The following TSPAN10 variants were observed in gnomAD, a reference collection of about 807,000 sequenced individuals.
TSPAN10 encodes the protein tetraspanin-10.
Under a neutral mutation model 15.0 loss-of-function variants are expected in TSPAN10, and 11 were observed. That is an observed-to-expected ratio of 0.73 (90% CI 0.46 to 1.21). TSPAN10 has a LOEUF of 1.21. TSPAN10 is among the 50% of genes most tolerant of loss of function. The pLI is 0.00. For missense variants in TSPAN10, 486 were observed against 470.6 expected (o/e 1.03, Z -0.30); for synonymous variants, 241 against 226.2 (o/e 1.07, Z -0.59).
chr17:81,639,701 C>T (rs2036160910), upstream of TSPAN10, among the ~76,000 whole-genome samples: 1 of 150,900 alleles, frequency 6.6e-6, no homozygotes, highest in Non-Finnish European at 1.5e-5. Flanking sequence ...CCTGTCATCC[C>T]AGCGCGGTGG....
rs61380610 is a variant in TSPAN10 at position 81,645,930 on chromosome 17, G to T, written c.674+301G>T. On this transcript the variant is annotated intron_variant, in intron 2 of 2. Transcript: ENST00000611590. ...CACTCAAACATGTTCATACACACAC[G>T]TGTCATGCACACAAGGTATAGGGGT... 4 of 541,238 alleles carry T rather than the reference G, an allele frequency of 7.4e-6. No homozygotes were observed. The African/African-American group carries it at 7.6e-5, about 10-fold the overall frequency. The allele number at this position is 541,238 out of a possible 1,614,324, so 33.5% of individuals were successfully genotyped here. A position where few individuals can be genotyped will look rare whatever the true frequency, so the allele number is the denominator to read the frequency against.
upstream of TSPAN10, among the ~76,000 whole-genome samples, chr17:81,640,295 T>A (rs2036166976): frequency 6.6e-6 from 1 of 152,070 alleles, no homozygotes; most frequent in African/African-American, 2.4e-5. Flanking sequence ...CCAGGTTTCT[T>A]CTTATACCTC....
chr17:81,642,404 G>A (rs1350793960), upstream of TSPAN10: 4 of 1,613,568 alleles, frequency 2.5e-6, no homozygotes, highest in South Asian at 3.3e-5. Flanking sequence ...TTCTGTTCCA[G>A]CGTCAAGGAT....
In TSPAN10 at chr17:81,647,718, G is replaced by C. The variant is rs368028315; in HGVS notation, c.675-183G>C. ...GCCGTGCACAGGGATACGTTATAGA[G>C]AGCCAGGTGCTGTGTGTGTCCGTGT... On this transcript the variant is annotated intron_variant, in intron 2 of 2. Coordinates refer to ENST00000611590, the Ensembl canonical transcript of TSPAN10. The C allele has an allele frequency of 8.3e-4, 557 of 670,286 alleles. 3 individuals are homozygous for C. The Middle Eastern group carries it at 9.8e-3, about 12-fold the overall frequency. 41.5% of individuals were successfully genotyped at this position (670,286 alleles called of 1,614,324 possible). A position where few individuals can be genotyped will look rare whatever the true frequency, so the allele number is the denominator to read the frequency against.
chr17:81,639,897 G>A (rs369000386), upstream of TSPAN10, among the ~76,000 whole-genome samples: 12 of 151,890 alleles, frequency 7.9e-5, no homozygotes, highest in East Asian at 3.9e-4. Flanking sequence ...GGAGAATGGC[G>A]TGAACCCGGG....
At chr17:81,645,718 T>A in intron 2 of TSPAN10, 89 bp downstream of exon 3, 1 of 1,505,312 alleles carries the variant, frequency 6.6e-7, no homozygotes, top group South Asian at 1.2e-5. Flanking sequence ...CACTCACACG[T>A]ACATACTCAT....
chr17:81,646,064 A>G, intron 2 of TSPAN10: 1 of 277,718 alleles, frequency 3.6e-6, no homozygotes, highest in Non-Finnish European at 6.8e-6. Flanking sequence ...ACTACCCAGG[A>G]GCTTAGTTGA....
At chr17:81,640,894 C>T (rs139667808), upstream of TSPAN10, among the ~76,000 whole-genome samples, 268 of 151,614 alleles carry the variant, frequency 1.8e-3, 2 homozygotes, top group African/African-American at 6.2e-3. Context: ...AGACTTTGGC[C>T]GGGCGTGGTG....
chr17:81,639,200 C>CTTTTTTT (rs757994889), upstream of TSPAN10: 75 of 115,260 alleles, frequency 6.5e-4, 3 homozygotes, highest in South Asian at 2.2e-3. Context: ...TTTGGAATTA[C>CTTTTTTT]TTTTCTTTTT....
At chr17:81,647,656 A>G (rs2036272764) in intron 2 of TSPAN10, 2 of 651,432 alleles carry the variant, frequency 3.1e-6, no homozygotes, top group East Asian at 2.7e-5. Context: ...CTGCTAGTCA[A>G]CACAGCCACC....
intron 1 of TSPAN10, among the ~76,000 whole-genome samples, chr17:81,643,034 C>A (rs955613314): frequency 6.7e-6 from 1 of 149,210 alleles, no homozygotes; most frequent in Non-Finnish European, 1.5e-5. Flanking sequence ...TAGATAGAGT[C>A]TCGCTCTGTC....
chr17:81,645,469 GT>G lies in TSPAN10; in HGVS notation c.515del (p.Val172GlyfsTer39). On this transcript the variant is annotated frameshift_variant, in exon 2 of 3. Coordinates refer to ENST00000611590, the Ensembl canonical transcript of TSPAN10. LOFTEE classifies it high-confidence loss of function. The stretch of plus-strand genomic sequence containing the variant: ...TGAGGCCGTGGCGGGGGCCCTGGTG[GT>G]GGCCCTCTGGGGCCCGCTGCAAGAC... 1 of 1,584,606 alleles carries G rather than the reference GT, an allele frequency of 6.3e-7. No homozygotes were observed. The highest frequency in any genetic ancestry group is 8.6e-7 in the Non-Finnish European group (1 of 1,168,260).
Position 81,646,777 on chromosome 17 carries a change from C to T in TSPAN10, c.675-1124C>T, listed in dbSNP as rs74256877. ...TCCCTCCACCGTGAGTGTCATTAAA[C>T]GCCGTGCATTTAGGATCCAGTGCAG... On this transcript the variant is annotated intron_variant, in intron 2 of 2. Transcript: ENST00000611590. Among the ~76,000 whole-genome samples the T allele has an allele frequency of 1.3e-4, 20 of 151,900 alleles. No individual in the cohort carries two copies. The East Asian group carries it at 2.7e-3, about 21-fold the overall frequency.
intron 1 of TSPAN10, among the ~76,000 whole-genome samples, chr17:81,644,167 C>A (rs1394686810): frequency 6.6e-6 from 1 of 152,100 alleles, no homozygotes; most frequent in Non-Finnish European, 1.5e-5. Flanking sequence ...GCTTCTTATT[C>A]TCCTTTTTAA....
chr17:81,647,998 T>G (rs1281237144), exon 3 of TSPAN10: 5 of 1,610,946 alleles, frequency 3.1e-6, no homozygotes, highest in Admixed American at 1.7e-5. Context: ...CAACGACCAG[T>G]GCGGCTTCGG....
At chr17:81,637,314 G>A in exon 1 of TSPAN10, 7 of 656,694 alleles carry the variant, frequency 1.1e-5, no homozygotes, top group Non-Finnish European at 1.9e-5. Context: ...GCAAAGACGA[G>A]CATCCGAAGT....
rs1202117089 is a variant in TSPAN10, at chr17:81,643,488, G to A, written c.36+1040G>A. Reference sequence around the variant, plus strand: ...TAGCCGGGCGTAGTGGCGGGCGCCTGTAGTCCCAGCTACTTGGGAGGCTGA... The same window carrying A: ...TAGCCGGGCGTAGTGGCGGGCGCCTATAGTCCCAGCTACTTGGGAGGCTGA... On this transcript the variant is annotated intron_variant, in intron 1 of 2. Coordinates refer to ENST00000611590, the Ensembl canonical transcript of TSPAN10. Among the ~76,000 whole-genome samples, 5 of 81,800 alleles carry A rather than the reference G, an allele frequency of 6.1e-5. 2 individuals are homozygous for A. The highest frequency in any genetic ancestry group is 1.2e-4 in the African/African-American group (2 of 16,190). 53.7% of individuals were successfully genotyped at this position (81,800 alleles called of 152,430 possible).
upstream of TSPAN10, chr17:81,639,232 G>A (rs1264761263): frequency 8.7e-6 from 1 of 114,490 alleles, no homozygotes; most frequent in African/African-American, 3.4e-5. Context: ...TTTTTGAGTC[G>A]GATCTCCCTC....
chr17:81,647,401 C>T, intron 2 of TSPAN10: 1 of 456,878 alleles, frequency 2.2e-6, no homozygotes. Context: ...ATGAGATCAA[C>T]ACTCCCTAGC....
Sources: allele counts gnomAD v4.1 joint callset (sites outside exome capture counted in the v4.1 genomes callset), GRCh38; gene constraint gnomAD v4.1.1; transcripts MANE v1.5; gene names NCBI Gene and HGNC (gene_info 2026-07-23, HGNC 2026-07-21).